The following ASIC2 variants were observed in gnomAD, a reference collection of about 807,000 sequenced individuals.
ASIC2 encodes the protein acid-sensing ion channel 2.
Under a neutral mutation model 57.3 loss-of-function variants are expected in ASIC2, and 25 were observed. The observed-to-expected ratio is 0.44, with a 90% CI of 0.32 to 0.61. The LOEUF (loss-of-function observed/expected upper bound fraction) is 0.61. Among genes scored for constraint, ASIC2 ranks in the 20% least tolerant of loss-of-function variants. The pLI is 0.06. For missense variants in ASIC2, 641 were observed against 738.1 expected, an observed-to-expected ratio of 0.87 and a Z score of 1.52; for synonymous variants, 319 against 307.5, an observed-to-expected ratio of 1.04 and a Z score of -0.39.
chr17:33,563,649 A>C (rs552160433), intron 1 of ASIC2, among the ~76,000 whole-genome samples: 127 of 152,310 alleles, frequency 8.3e-4, no homozygotes, highest in African/African-American at 2.9e-3. Context: ...AAAAGCATTC[A>C]GCCAGATCCA....
intron 1 of ASIC2, among the ~76,000 whole-genome samples, chr17:34,121,864 C>T (rs566894684): frequency 6.6e-6 from 1 of 152,308 alleles, no homozygotes; most frequent in South Asian, 2.1e-4. Flanking sequence ...ACATAACAAA[C>T]ATTTACTTTC....
intron 1 of ASIC2, among the ~76,000 whole-genome samples, chr17:33,337,369 G>A (rs972563466): frequency 6.6e-6 from 1 of 152,144 alleles, no homozygotes; most frequent in Non-Finnish European, 1.5e-5. Context: ...GGAAACTGAG[G>A]CCCTGAGGAA....
chr17:33,615,230 A>G (rs764610701), intron 1 of ASIC2, among the ~76,000 whole-genome samples: 1 of 152,222 alleles, frequency 6.6e-6, no homozygotes, highest in Non-Finnish European at 1.5e-5. Flanking sequence ...GCTAATTTCA[A>G]AGATTTCAAT....
chr17:33,978,758 G>A (rs968856962), intron 1 of ASIC2, among the ~76,000 whole-genome samples: 2 of 152,176 alleles, frequency 1.3e-5, no homozygotes, highest in Non-Finnish European at 2.9e-5. Context: ...GCCTTGGACA[G>A]AGGGAGGAGT....
chr17:33,074,230 C>T (rs929291197), intron 3 of ASIC2, among the ~76,000 whole-genome samples: 3 of 152,152 alleles, frequency 2.0e-5, no homozygotes, highest in African/African-American at 7.2e-5. Context: ...ATTTTTGTTT[C>T]CTCCCTGGCA....
intron 3 of ASIC2, among the ~76,000 whole-genome samples, chr17:33,067,107 T>G (rs2092046693): frequency 6.6e-6 from 1 of 151,702 alleles, no homozygotes; most frequent in Non-Finnish European, 1.5e-5. Flanking sequence ...TCCGGGGCAC[T>G]GACAAGACAA....
chr17:34,032,640 T>A (rs1452785790), intron 1 of ASIC2, among the ~76,000 whole-genome samples: 1 of 152,140 alleles, frequency 6.6e-6, no homozygotes, highest in African/African-American at 2.4e-5. Context: ...GAGACACACA[T>A]AGGCTCAAAA....
At chr17:33,870,657 C>G (rs1166274129) in intron 1 of ASIC2, among the ~76,000 whole-genome samples, 1 of 151,972 alleles carries the variant, frequency 6.6e-6, no homozygotes, top group African/African-American at 2.4e-5. Context: ...GCCAGAGCCT[C>G]TTAGAAATAG....
intron 1 of ASIC2, among the ~76,000 whole-genome samples, chr17:33,324,002 C>T (rs1009140471): frequency 3.9e-5 from 6 of 152,158 alleles, no homozygotes; most frequent in African/African-American, 1.2e-4. Context: ...ATATATTATA[C>T]AGCAATCAAA....
intron 1 of ASIC2, among the ~76,000 whole-genome samples, chr17:34,046,269 T>C (rs888367031): frequency 6.6e-6 from 1 of 152,164 alleles, no homozygotes; most frequent in Non-Finnish European, 1.5e-5. Flanking sequence ...CACTAAGTGT[T>C]TGGACTGGTT....
At chr17:33,704,058 T>A (rs1908789805) in intron 1 of ASIC2, among the ~76,000 whole-genome samples, 1 of 152,210 alleles carries the variant, frequency 6.6e-6, no homozygotes, top group Admixed American at 6.5e-5. Flanking sequence ...CCTGGACTCC[T>A]TAAATCATAG....
rs550130982 is a variant in ASIC2, at chr17:34,041,233, C to T, written c.555+114745G>A. ...CAAAAGACAGTAGGGTTCCACATTA[C>T]CGATGTGACTACTGGAAATTCTTTC... On this transcript the variant is annotated intron_variant, in intron 1 of 9. Coordinates refer to the ASIC2 transcript ENST00000359872. 4.6e-5 allele frequency: 7 copies of T among 152,308 alleles called. No homozygotes were observed. The East Asian group carries it at 1.4e-3, about 29-fold the overall frequency. 9.4% of individuals were successfully genotyped at this position (152,308 alleles called of 1,614,324 possible).
chr17:33,579,769 A>C (rs549527384), intron 1 of ASIC2, among the ~76,000 whole-genome samples: 9 of 152,216 alleles, frequency 5.9e-5, no homozygotes, highest in African/African-American at 2.2e-4. Context: ...CTCATTCAGA[A>C]GAGCAAAAGA....
At chr17:33,716,152 G>A (rs1256080944) in intron 1 of ASIC2, among the ~76,000 whole-genome samples, 1 of 152,142 alleles carries the variant, frequency 6.6e-6, no homozygotes, top group East Asian at 1.9e-4. Flanking sequence ...TATTTAGCCT[G>A]CAGGAACAGC....
At chr17:33,267,753 G>A (rs1422491994) in intron 1 of ASIC2, among the ~76,000 whole-genome samples, 1 of 152,204 alleles carries the variant, frequency 6.6e-6, no homozygotes, top group Non-Finnish European at 1.5e-5. Flanking sequence ...GTGCTCCGGG[G>A]AGGGACAGGA....
At chr17:33,707,906 C>T (rs766384632) in intron 1 of ASIC2, among the ~76,000 whole-genome samples, 2 of 152,224 alleles carry the variant, frequency 1.3e-5, no homozygotes, top group Non-Finnish European at 2.9e-5. Flanking sequence ...GTTGGGTCAG[C>T]TTGACTACCC....
chr17:34,107,333 C>A (rs550623386), intron 1 of ASIC2, among the ~76,000 whole-genome samples: 1 of 152,136 alleles, frequency 6.6e-6, no homozygotes, highest in Non-Finnish European at 1.5e-5. Context: ...AAAACCCCAT[C>A]TCAACTAAAA....
intron 1 of ASIC2, among the ~76,000 whole-genome samples, chr17:33,625,237 A>G (rs1438459619): frequency 1.3e-5 from 2 of 151,818 alleles, no homozygotes; most frequent in African/African-American, 2.4e-5. Context: ...CTATCTATCT[A>G]TCATGTATCT....
intron 1 of ASIC2, among the ~76,000 whole-genome samples, chr17:33,350,561 A>G (rs1567831747): frequency 6.6e-6 from 1 of 152,082 alleles, no homozygotes; most frequent in Non-Finnish European, 1.5e-5. Flanking sequence ...GCGCACCTGT[A>G]GTCCCAGCTA....
Sources: gnomAD v4.1 joint callset for allele counts (sites outside exome capture counted in the v4.1 genomes callset) on GRCh38, gnomAD v4.1.1 for gene constraint, MANE v1.5 for transcripts, NCBI Gene and HGNC (gene_info 2026-07-23, HGNC 2026-07-21) for gene names.